Variants in CRPPA observed in about 807,000 individuals in gnomAD.
The protein encoded by CRPPA is CDP-L-ribitol pyrophosphorylase A.
A neutral mutation model predicts 52.0 loss-of-function variants in CRPPA; 43 were observed. That is an observed-to-expected ratio of 0.83 (90% CI 0.65 to 1.07). The LOEUF (loss-of-function observed/expected upper bound fraction) is 1.07, where lower values mean the gene tolerates loss of function less well. Among genes scored for constraint, CRPPA ranks in the 50% least tolerant of loss-of-function variants. The pLI, the probability that CRPPA is intolerant of heterozygous loss-of-function variation, is 0.00. For synonymous variants in CRPPA, 250 were observed against 203.5 expected, an observed-to-expected ratio of 1.23 and a Z score of -1.94; for missense variants, 629 against 551.7, an observed-to-expected ratio of 1.14 and a Z score of -1.40.
chr7:16,151,610 AATTG>A (rs1163430335), intron 9 of CRPPA, among the ~76,000 whole-genome samples: 1 of 152,080 alleles, frequency 6.6e-6, no homozygotes, highest in African/African-American at 2.4e-5. Flanking sequence ...AAAAAAATAA[AATTG>A]ATTATCTTCT....
In CRPPA at chr7:16,170,230, C is replaced by A. The variant is rs548053798; in HGVS notation, c.1251+45836G>T. On this transcript the variant is annotated intron_variant, in intron 9 of 9. Coordinates refer to ENST00000407010, the MANE Select transcript of CRPPA (RefSeq NM_001101426.4). ...TTCTCTTCCAAGGGCAGAGAGTAAA[C>A]GATTACAATTACACATAATTGATCA... Among the ~76,000 whole-genome samples the A allele has an allele frequency of 2.6e-5, 4 of 151,968 alleles. No homozygotes were observed. The South Asian group carries it at 8.3e-4, about 32-fold the overall frequency.
intron 9 of CRPPA, among the ~76,000 whole-genome samples, chr7:16,194,129 C>T (rs1000249728): frequency 2.6e-5 from 4 of 152,058 alleles, no homozygotes; most frequent in Non-Finnish European, 5.9e-5. Context: ...GACAAAGAGG[C>T]TTTTAAATCA....
intron 8 of CRPPA, among the ~76,000 whole-genome samples, chr7:16,242,505 G>A (rs1436453328): frequency 6.6e-6 from 1 of 152,092 alleles, no homozygotes; most frequent in African/African-American, 2.4e-5. Context: ...GACAGAGGTG[G>A]TAGCAATACT....
chr7:16,252,003 G>T (rs1783468582), intron 8 of CRPPA, among the ~76,000 whole-genome samples: 1 of 152,110 alleles, frequency 6.6e-6, no homozygotes. Flanking sequence ...AAAAAGAAAA[G>T]AGAGAAGAAT....
chr7:16,331,063 C>T (rs1785539720), intron 3 of CRPPA, among the ~76,000 whole-genome samples: 1 of 152,134 alleles, frequency 6.6e-6, no homozygotes, highest in African/African-American at 2.4e-5. Context: ...GCAGGGGCGC[C>T]ATCTCGGCTC....
chr7:16,268,958 T>C (rs1295136), intron 6 of CRPPA: 27,457 of 152,164 alleles, frequency 0.18, 3,162 homozygotes, highest in African/African-American at 0.34. Context: ...TTTGTGAACA[T>C]AGTTTTTTCT....
At chr7:16,303,010 A>G (rs1410630276) in intron 4 of CRPPA, among the ~76,000 whole-genome samples, 1 of 152,180 alleles carries the variant, frequency 6.6e-6, no homozygotes, top group Non-Finnish European at 1.5e-5. Context: ...TGAATAACCC[A>G]TCAATTGAGA....
chr7:16,393,697 A>C (rs1368014144), intron 2 of CRPPA, among the ~76,000 whole-genome samples: 2 of 152,154 alleles, frequency 1.3e-5, no homozygotes, highest in Non-Finnish European at 2.9e-5. Flanking sequence ...AAAAACCATA[A>C]ACGAAGACAT....
chr7:16,376,137 C>A lies in CRPPA; in HGVS notation c.639G>T (p.Met213Ile). 1 of 1,611,866 alleles carries A rather than the reference C, an allele frequency of 6.2e-7. No individual in the cohort carries two copies. Residue 213 changes from methionine (M) to isoleucine (I), a missense_variant, in exon 3 of 10, where the codon ATG becomes ATT. Coordinates refer to ENST00000407010, the MANE Select transcript of CRPPA (RefSeq NM_001101426.4). Reference sequence around the variant, plus strand: ...TCACATCAAATAGAAAAGCTTGGGGCATTTCACTTGCTCTGTGTCTGGCAC... The same window carrying A: ...TCACATCAAATAGAAAAGCTTGGGGAATTTCACTTGCTCTGTGTCTGGCAC... The part of the protein sequence containing the change: ...LERARHRASE[M>I]PQAFLFDVIY...
chr7:16,349,787 C>T (rs4565368), intron 3 of CRPPA, among the ~76,000 whole-genome samples: 40,616 of 151,686 alleles, frequency 0.27, 5,701 homozygotes, highest in South Asian at 0.49. Context: ...AGTGGAAGAA[C>T]GTATGCATTA....
chr7:16,107,434 A>G, intron 9 of CRPPA, among the ~76,000 whole-genome samples: 1 of 152,274 alleles, frequency 6.6e-6, no homozygotes, highest in African/African-American at 2.4e-5. Flanking sequence ...CTCAGCAGAA[A>G]CCTTGTATGC....
chr7:16,254,755 AAGAAAGAC>A (rs1783569279), intron 8 of CRPPA, among the ~76,000 whole-genome samples: 8 of 137,872 alleles, frequency 5.8e-5, no homozygotes, highest in Admixed American at 3.9e-4. Flanking sequence ...GACAGAAAGA[AAGAAAGAC>A]AGACACACAG....
At chr7:16,212,061 T>C (rs1046704838) in intron 9 of CRPPA, among the ~76,000 whole-genome samples, 2 of 151,910 alleles carry the variant, frequency 1.3e-5, no homozygotes, top group African/African-American at 4.8e-5. Flanking sequence ...AATTTTTTTT[T>C]AAAAAAACAA....
At chr7:16,203,659 T>A (rs770851278) in intron 9 of CRPPA, among the ~76,000 whole-genome samples, 14 of 152,142 alleles carry the variant, frequency 9.2e-5, no homozygotes, top group Non-Finnish European at 1.9e-4. Context: ...CCTTTTACCA[T>A]CTGGGTTTGA....
intron 9 of CRPPA, among the ~76,000 whole-genome samples, chr7:16,186,895 T>G (rs1781515151): frequency 6.6e-6 from 1 of 152,170 alleles, no homozygotes; most frequent in African/African-American, 2.4e-5. Context: ...CATTCAACGT[T>G]TGTTAACCTA....
At chr7:16,313,714 C>T (rs539059194) in intron 3 of CRPPA, among the ~76,000 whole-genome samples, 9 of 151,896 alleles carry the variant, frequency 5.9e-5, no homozygotes, top group South Asian at 2.1e-4. Context: ...AATTTTGATG[C>T]GTTCCATTTT....
chr7:16,354,660 T>A (rs1032534446), intron 3 of CRPPA, among the ~76,000 whole-genome samples: 30 of 151,822 alleles, frequency 2.0e-4, no homozygotes, highest in African/African-American at 6.0e-4. Context: ...CCTTGCAGTT[T>A]TTATTATTAT....
At chr7:16,133,604 A>G (rs2128373469) in intron 9 of CRPPA, among the ~76,000 whole-genome samples, 1 of 124,524 alleles carries the variant, frequency 8.0e-6, no homozygotes, top group Non-Finnish European at 1.8e-5. Context: ...TTATGATAGT[A>G]AAAAGTGATC....
intron 1 of CRPPA, among the ~76,000 whole-genome samples, chr7:16,416,923 T>C (rs1788209425): frequency 6.6e-6 from 1 of 152,084 alleles, no homozygotes; most frequent in Non-Finnish European, 1.5e-5. Flanking sequence ...AGGCCTAATA[T>C]CCAGAATCTA....
Sources: gnomAD v4.1 joint callset for allele counts (sites outside exome capture counted in the v4.1 genomes callset) on GRCh38, gnomAD v4.1.1 for gene constraint, MANE v1.5 for transcripts, NCBI Gene and HGNC (gene_info 2026-07-23, HGNC 2026-07-21) for gene names.